The following SPECC1 variants were observed in gnomAD, a reference collection of about 807,000 sequenced individuals.
The protein encoded by SPECC1 is cytospin-B.
Under a neutral mutation model 104.1 loss-of-function variants are expected in SPECC1, and 62 were observed. The observed-to-expected ratio is 0.60, with a 90% CI of 0.49 to 0.74. The LOEUF (loss-of-function observed/expected upper bound fraction) is 0.74. Ranked by LOEUF, SPECC1 falls within the 30% of genes least tolerant of loss-of-function variation. The pLI is 0.00. For synonymous variants in SPECC1, 513 were observed against 501.6 expected (o/e 1.02, Z -0.30); for missense variants, 1,306 against 1,310.5 (o/e 1.00, Z 0.05).
chr17:20,194,502 A>ATTTTTTTTTTTTTTTT (rs1209589252), intron 3 of SPECC1, among the ~76,000 whole-genome samples: 15 of 86,566 alleles, frequency 1.7e-4, no homozygotes, highest in African/African-American at 7.5e-4. Context: ...AAGAGAACGA[A>ATTTTTTTTTTTTTTTT]TTTTTTTTTT....
chr17:20,111,264 A>T (rs1467355391), intron 3 of SPECC1, among the ~76,000 whole-genome samples: 2 of 152,224 alleles, frequency 1.3e-5, no homozygotes, highest in Admixed American at 6.5e-5. Flanking sequence ...ACTGAAATAC[A>T]TCGTTACTAA....
In SPECC1 at chr17:20,156,117, A is replaced by G. The variant is rs2032473044; in HGVS notation, c.283+45555A>G. 4 of 1,371,616 alleles carry G rather than the reference A, an allele frequency of 2.9e-6. No individual in the cohort carries two copies. In the East Asian group the frequency reaches 9.3e-5, roughly 32 times the overall value. The allele number at this position is 1,371,616 out of a possible 1,614,324, so 85.0% of individuals were successfully genotyped here. ...ACCCGCCGGACGCAACCGCCTCGCC[A>G]GCCGGAGCCAGCGCGAGCTCGGCAC... On this transcript the variant is annotated intron_variant, in intron 3 of 14. Transcript: ENST00000395527.
intron 2 of SPECC1, among the ~76,000 whole-genome samples, chr17:20,098,609 C>T (rs2047767920): frequency 1.3e-5 from 2 of 152,254 alleles, no homozygotes; most frequent in Admixed American, 1.3e-4. Flanking sequence ...GCTCCAGCCA[C>T]ACGTTCTGCT....
At chr17:20,101,303 T>C (rs2047933975) in intron 2 of SPECC1, among the ~76,000 whole-genome samples, 2 of 152,228 alleles carry the variant, frequency 1.3e-5, no homozygotes, top group African/African-American at 4.8e-5. Context: ...GCATTCCTAT[T>C]TCTCCACAGC....
chr17:20,254,476 C>T (rs958180980), intron 10 of SPECC1, among the ~76,000 whole-genome samples: 1 of 152,194 alleles, frequency 6.6e-6, no homozygotes, highest in South Asian at 2.1e-4. Context: ...GCGCCTTGAA[C>T]ATGCTGGGTG....
chr17:20,088,258 GA>G (rs1380752707), intron 1 of SPECC1, among the ~76,000 whole-genome samples: 4 of 152,010 alleles, frequency 2.6e-5, no homozygotes, highest in African/African-American at 4.8e-5. Context: ...TAATTTTAGT[GA>G]AAAAAAGTCA....
chr17:20,153,855 C>G (rs2032229395), intron 3 of SPECC1, among the ~76,000 whole-genome samples: 1 of 152,226 alleles, frequency 6.6e-6, no homozygotes, highest in African/African-American at 2.4e-5. Flanking sequence ...AGTCGACCAT[C>G]TTTTCTGGGC....
At chr17:20,214,530 C>T (rs991229987) in intron 4 of SPECC1, among the ~76,000 whole-genome samples, 5 of 152,084 alleles carry the variant, frequency 3.3e-5, no homozygotes, top group African/African-American at 7.2e-5. Flanking sequence ...ATTTTTGAGA[C>T]GGAGTCTTGC....
chr17:20,285,619 C>T (rs570169780), intron 12 of SPECC1, among the ~76,000 whole-genome samples: 3 of 152,188 alleles, frequency 2.0e-5, no homozygotes, highest in Admixed American at 2.0e-4. Context: ...CAGCAAGTTT[C>T]TTTCTGTTTT....
intron 3 of SPECC1, among the ~76,000 whole-genome samples, chr17:20,133,573 T>C (rs2049769256): frequency 6.6e-6 from 1 of 152,152 alleles, no homozygotes; most frequent in Non-Finnish European, 1.5e-5. Context: ...GATTTACATA[T>C]ACATAAATTT....
intron 1 of SPECC1, among the ~76,000 whole-genome samples, chr17:20,067,609 T>C (rs758210010): frequency 6.6e-5 from 10 of 152,156 alleles, no homozygotes; most frequent in Non-Finnish European, 1.3e-4. Flanking sequence ...TCTATTGAGA[T>C]GCCATAAATT....
chr17:20,212,021 C>G (rs2151385732), intron 4 of SPECC1, among the ~76,000 whole-genome samples: 1 of 152,278 alleles, frequency 6.6e-6, no homozygotes, highest in East Asian at 1.9e-4. Context: ...AAGGTCCCTA[C>G]CAGGGTACAG....
intron 1 of SPECC1, among the ~76,000 whole-genome samples, chr17:20,022,402 T>C (rs1351822888): frequency 3.3e-5 from 5 of 152,236 alleles, no homozygotes; most frequent in African/African-American, 9.6e-5. Flanking sequence ...TTTTAGACAT[T>C]AGCCCCTTGT....
rs752143464 is a variant in SPECC1 at position 20,245,972 on chromosome 17, C to A, written c.2398C>A (p.Arg800=). ...PESSEVDAAG[R]WPGVCVSRTS... ...GTCCTCTGAGGTCGATGCTGCTGGT[C>A]GGTGGCCTGGTGTCTGTGTTAGCAG... Residue 800 remains arginine (R), a synonymous_variant, in exon 8 of 15, where the codon CGG becomes AGG. Transcript: ENST00000395527. The A allele has an allele frequency of 2.5e-6, 4 of 1,614,012 alleles. No homozygotes were observed. In the African/African-American group the frequency reaches 5.3e-5, roughly 22 times the overall value.
chr17:20,110,712 C>T (rs1356342636), intron 3 of SPECC1, 150 bp downstream of exon 3: 2 of 947,872 alleles, frequency 2.1e-6, no homozygotes, highest in Non-Finnish European at 1.5e-6. Context: ...CAGACGATGT[C>T]GCTGCCCACA....
chr17:20,050,857 G>A (rs1486531321), intron 1 of SPECC1, among the ~76,000 whole-genome samples: 1 of 152,114 alleles, frequency 6.6e-6, no homozygotes, highest in African/African-American at 2.4e-5. Flanking sequence ...TATTCTCCAG[G>A]GAAAAAGTTA....
At chr17:20,070,695 C>T (rs1016389267) in intron 1 of SPECC1, among the ~76,000 whole-genome samples, 1 of 152,098 alleles carries the variant, frequency 6.6e-6, no homozygotes, top group Non-Finnish European at 1.5e-5. Flanking sequence ...CACTGTTGCT[C>T]AGATAGCTTT....
At chr17:20,138,228 C>G (rs1237285065) in intron 3 of SPECC1, among the ~76,000 whole-genome samples, 1 of 152,120 alleles carries the variant, frequency 6.6e-6, no homozygotes, top group Non-Finnish European at 1.5e-5. Context: ...TCCCAAAGTG[C>G]TGGGATTACA....
At chr17:20,167,541 A>C (rs530157016) in intron 3 of SPECC1, among the ~76,000 whole-genome samples, 1 of 152,100 alleles carries the variant, frequency 6.6e-6, no homozygotes, top group Non-Finnish European at 1.5e-5. Flanking sequence ...AGACGGGCAT[A>C]GTGGTGCATG....
Sources: allele counts gnomAD v4.1 joint callset (sites outside exome capture counted in the v4.1 genomes callset), GRCh38; gene constraint gnomAD v4.1.1; transcripts MANE v1.5; gene names NCBI Gene and HGNC (gene_info 2026-07-23, HGNC 2026-07-21).